The following AJAP1 variants were observed in gnomAD, a reference collection of about 807,000 sequenced individuals.
AJAP1 encodes adherens junctions associated protein 1.
In AJAP1, 5 loss-of-function variants were observed where a neutral mutation model predicts 35.0. The ratio of observed to expected loss-of-function variants is 0.14; its 90% CI spans 0.07 to 0.30. The LOEUF is 0.30. Among genes scored for constraint, AJAP1 ranks in the 10% least tolerant of loss-of-function variants. The pLI, the probability that AJAP1 is intolerant of heterozygous loss-of-function variation, is 1.00. For synonymous variants in AJAP1, 284 were observed against 249.3 expected, an observed-to-expected ratio of 1.14 and a Z score of -1.31; for missense variants, 586 against 571.0, an observed-to-expected ratio of 1.03 and a Z score of -0.27.
intron 1 of AJAP1, among the ~76,000 whole-genome samples, chr1:4,686,589 G>A (rs1221828817): frequency 2.6e-5 from 4 of 152,204 alleles, no homozygotes; most frequent in Admixed American, 2.0e-4. Flanking sequence ...ATAAGCCCAC[G>A]CCAGCCTTCC....
chr1:4,726,703 G>A (rs1157670049), intron 2 of AJAP1, among the ~76,000 whole-genome samples: 1 of 152,138 alleles, frequency 6.6e-6, no homozygotes, highest in Non-Finnish European at 1.5e-5. Flanking sequence ...GGCAGGAGGG[G>A]CCCAGGAAGC....
intron 2 of AJAP1, among the ~76,000 whole-genome samples, chr1:4,735,219 A>C (rs1161128765): frequency 6.6e-6 from 1 of 152,236 alleles, no homozygotes; most frequent in Non-Finnish European, 1.5e-5. Context: ...GAAGACAAGA[A>C]AAGCATACTG....
At position 4,740,547 on chromosome 1, in the gene AJAP1, A is replaced by T. The variant is rs868358898; in HGVS notation, c.829+27848A>T. ...ACGCCTGTCATCCCAGCACTTTGGG[A>T]GGCCGAGGCGGGCAGATCACAAGGT... On this transcript the variant is annotated intron_variant, in intron 2 of 5. Coordinates refer to ENST00000378191, the MANE Select transcript of AJAP1 (RefSeq NM_018836.4). 1.2e-4 allele frequency among the ~76,000 whole-genome samples: 19 copies of T among 152,044 alleles called. No homozygotes were observed. In the Middle Eastern group the frequency reaches 0.024, roughly 191 times the overall value.
intron 2 of AJAP1, among the ~76,000 whole-genome samples, chr1:4,741,008 C>T (rs893655650): frequency 1.3e-5 from 2 of 152,060 alleles, no homozygotes; most frequent in African/African-American, 4.8e-5. Context: ...AGCTGTCCGA[C>T]TCTGCAACTA....
At chr1:4,740,810 G>C (rs558713184) in intron 2 of AJAP1, among the ~76,000 whole-genome samples, 10 of 150,890 alleles carry the variant, frequency 6.6e-5, no homozygotes, top group Admixed American at 1.3e-4. Context: ...AAAAAAGCGG[G>C]GGGGGCTAAG....
rs1360839716 is a variant in AJAP1 at position 4,692,213 on chromosome 1, C to T, written c.30-19687C>T. 2.0e-5 allele frequency among the ~76,000 whole-genome samples: 3 copies of T among 152,134 alleles called. No individual in the cohort carries two copies. The highest frequency in any genetic ancestry group is 7.2e-5 in the African/African-American group (3 of 41,434). ...TTAGGCACAGAGGCACTCACTGTGC[C>T]AGGCAGGCTCCTGCTGCTGCCTCCC... On this transcript the variant is annotated intron_variant, in intron 1 of 5. Coordinates refer to ENST00000378191, the MANE Select transcript of AJAP1 (RefSeq NM_018836.4). This position sits in a 1 kb window ranked among gnomAD's most constrained non-coding sequence, Gnocchi z 4.4.
intron 2 of AJAP1, among the ~76,000 whole-genome samples, chr1:4,744,809 C>T (rs1641152179): frequency 6.6e-6 from 1 of 152,158 alleles, no homozygotes; most frequent in Admixed American, 6.5e-5. Flanking sequence ...CACATAAAGA[C>T]AAATACCAGG....
chr1:4,708,572 G>A (rs1456451301), intron 1 of AJAP1, among the ~76,000 whole-genome samples: 1 of 152,230 alleles, frequency 6.6e-6, no homozygotes, highest in Non-Finnish European at 1.5e-5. Context: ...CCTCATCTCA[G>A]AGCCGCCCAA....
chr1:4,704,318 CCA>C (rs1235798034), intron 1 of AJAP1, among the ~76,000 whole-genome samples: 1 of 130,816 alleles, frequency 7.6e-6, no homozygotes, highest in Non-Finnish European at 1.6e-5. Flanking sequence ...TCCCCCCACC[CCA>C]CAACGGTGCC....
rs1013895968 is a variant in AJAP1 at position 4,656,375 on chromosome 1, G to A, written c.29+921G>A. 2.0e-5 allele frequency among the ~76,000 whole-genome samples: 3 copies of A among 152,336 alleles called. No individual in the cohort carries two copies. Among genetic ancestry groups the A allele is most frequent in the East Asian group, 1.9e-4 (1 of 5,162 alleles). ...GCCCTCCTGCCGGGGCATTCACCGAGCTCGTGCATTTGGGTCCCGGGTTGG... is the reference window on the plus strand; with the variant it reads ...GCCCTCCTGCCGGGGCATTCACCGAACTCGTGCATTTGGGTCCCGGGTTGG... On this transcript the variant is annotated intron_variant, in intron 1 of 5. Coordinates refer to ENST00000378191, the MANE Select transcript of AJAP1 (RefSeq NM_018836.4). The surrounding 1 kb of genome is among the most constrained non-coding windows in gnomAD (Gnocchi z 5.7).
chr1:4,773,051 C>T (rs919408804), intron 4 of AJAP1, among the ~76,000 whole-genome samples: 2 of 152,174 alleles, frequency 1.3e-5, no homozygotes, highest in African/African-American at 4.8e-5. Context: ...AGAAAATGTA[C>T]CCCACAGCCA....
chr1:4,685,043 C>T (rs1257306463), intron 1 of AJAP1, among the ~76,000 whole-genome samples: 1 of 152,116 alleles, frequency 6.6e-6, no homozygotes, highest in Non-Finnish European at 1.5e-5. Context: ...CTGGAGTTTC[C>T]TCTCCCAGCA....
intron 2 of AJAP1, among the ~76,000 whole-genome samples, chr1:4,746,455 T>C (rs1641190477): frequency 6.6e-6 from 1 of 151,998 alleles, no homozygotes; most frequent in Non-Finnish European, 1.5e-5. Context: ...ATCGCCCACC[T>C]TGTGAGATGA....
intron 2 of AJAP1, among the ~76,000 whole-genome samples, chr1:4,753,880 G>GTTTTT: frequency 6.6e-6 from 1 of 152,298 alleles, no homozygotes; most frequent in East Asian, 1.9e-4. Context: ...CCTAACTGCT[G>GTTTTT]TTTTAAAGGT....
rs1410408450 is a variant in AJAP1, at chr1:4,693,701, T to C, written c.30-18199T>C. Among the ~76,000 whole-genome samples, 1 of 152,214 alleles carries C rather than the reference T, an allele frequency of 6.6e-6. No homozygotes were observed. Among genetic ancestry groups the C allele is most frequent in the African/African-American group, 2.4e-5 (1 of 41,448 alleles). The stretch of plus-strand genomic sequence containing the variant: ...ATTTATTTCTCACAGTTCTGGAGGC[T>C]GGGGCACCCAAGGTCAAGGGGCCCA... On this transcript the variant is annotated intron_variant, in intron 1 of 5. Coordinates refer to ENST00000378191, the MANE Select transcript of AJAP1 (RefSeq NM_018836.4). This position sits in a 1 kb window ranked among gnomAD's most constrained non-coding sequence, Gnocchi z 4.4.
chr1:4,778,896 A>G (rs1641992478), intron 5 of AJAP1, among the ~76,000 whole-genome samples: 1 of 152,146 alleles, frequency 6.6e-6, no homozygotes, highest in African/African-American at 2.4e-5. Flanking sequence ...TCTGAGCCTC[A>G]TCCGGTGTTT....
intron 5 of AJAP1, among the ~76,000 whole-genome samples, chr1:4,776,767 C>T (rs1641948300): frequency 6.6e-6 from 1 of 152,146 alleles, no homozygotes; most frequent in Non-Finnish European, 1.5e-5. Context: ...CCCCACTTCC[C>T]AACTGTGCCT....
chr1:4,702,107 G>A (rs1377556746), intron 1 of AJAP1, among the ~76,000 whole-genome samples: 1 of 151,100 alleles, frequency 6.6e-6, no homozygotes, highest in Non-Finnish European at 1.5e-5. Context: ...GTATTCTAAC[G>A]TGTCCCCAGT....
Position 4,712,556 on chromosome 1 carries a change from T to A in AJAP1, c.686T>A (p.Met229Lys). The A allele has an allele frequency of 6.2e-7, 1 of 1,612,454 alleles. No individual in the cohort carries two copies. The highest frequency in any genetic ancestry group is 1.3e-5 in the African/African-American group (1 of 74,988). ...TTTTTTTATP[M>K]TLQTKGFTES... is the part of the protein sequence containing the mutation. ...ACCACCACCACCACGGCCACCCCCA[T>A]GACGCTGCAGACTAAGGGGTTCACC... Residue 229 changes from methionine (M) to lysine (K), a missense_variant, in exon 2 of 6, where the codon ATG becomes AAG. By Grantham distance (95) the Met-to-Lys change is moderately conservative (BLOSUM62 -1). Coordinates refer to ENST00000378191, the MANE Select transcript of AJAP1 (RefSeq NM_018836.4).
Sources: allele counts gnomAD v4.1 joint callset (sites outside exome capture counted in the v4.1 genomes callset), GRCh38; gene constraint gnomAD v4.1.1; non-coding constraint Gnocchi (gnomAD v3.1); transcripts MANE v1.5; gene names NCBI Gene and HGNC (gene_info 2026-07-23, HGNC 2026-07-21).